SPAG16: variants seen among roughly 807,000 people sequenced by gnomAD.
SPAG16 encodes sperm associated antigen 16.
In SPAG16, 86 loss-of-function variants were observed where a neutral mutation model predicts 80.4. The observed-to-expected ratio is 1.07, with a 90% CI of 0.90 to 1.28. The LOEUF (loss-of-function observed/expected upper bound fraction) is 1.28, where lower values mean the gene tolerates loss of function less well. SPAG16 is among the 50% of genes most tolerant of loss of function. The pLI, the probability that SPAG16 is intolerant of heterozygous loss-of-function variation, is 0.00. For missense variants in SPAG16, 870 were observed against 765.3 expected, an observed-to-expected ratio of 1.14 and a Z score of -1.61; for synonymous variants, 294 against 265.9, an observed-to-expected ratio of 1.11 and a Z score of -1.03.
chr2:213,903,004 C>A (rs2077281468), intron 11 of SPAG16, among the ~76,000 whole-genome samples: 1 of 152,198 alleles, frequency 6.6e-6, no homozygotes, highest in Non-Finnish European at 1.5e-5. Flanking sequence ...ACATTCAGGT[C>A]ATGCTGATAT....
At position 213,862,608 on chromosome 2, in the gene SPAG16, A is replaced by G. The variant is rs1330805133; in HGVS notation, c.1194A>G (p.Ser398=). The G allele has an allele frequency of 3.2e-5, 52 of 1,613,976 alleles. No homozygotes were observed. Among genetic ancestry groups the G allele is most frequent in the Non-Finnish European group, 4.2e-5 (50 of 1,180,006 alleles). The change falls in exon 11 of 16, where the codon TCA becomes TCG. Residue 398 remains serine, a synonymous_variant. Transcript: ENST00000331683. ...GATTTGGCCACACTGACTGGCTTTC[A>G]GACTGCTGCTTCCATCCCAGGTCAG... ...LTGFGHTDWL[S]DCCFHPSGDK...
chr2:213,718,149 C>CAAAA (rs71063769), intron 10 of SPAG16, among the ~76,000 whole-genome samples: 8 of 92,224 alleles, frequency 8.7e-5, no homozygotes, highest in African/African-American at 2.8e-4. Flanking sequence ...AACAAGTTTA[C>CAAAA]AAAAAAAAAA....
intron 10 of SPAG16, among the ~76,000 whole-genome samples, chr2:213,687,110 C>A (rs1189741331): frequency 6.6e-6 from 1 of 151,776 alleles, no homozygotes; most frequent in African/African-American, 2.4e-5. Flanking sequence ...TAGTCATAAC[C>A]CTTTATTTTG....
intron 15 of SPAG16, among the ~76,000 whole-genome samples, chr2:214,387,761 G>A (rs1574479980): frequency 1.3e-5 from 2 of 152,174 alleles, no homozygotes; most frequent in African/African-American, 4.8e-5. Flanking sequence ...TGAGTGCCCA[G>A]TGAAGGGGGA....
chr2:213,998,323 A>G (rs906514701), intron 12 of SPAG16, among the ~76,000 whole-genome samples: 20 of 152,178 alleles, frequency 1.3e-4, no homozygotes, highest in Admixed American at 1.3e-3. Context: ...AATTTGAATC[A>G]TGGGGGTGGT....
intron 15 of SPAG16, among the ~76,000 whole-genome samples, chr2:214,344,152 G>GAGGT (rs1249950932): frequency 6.6e-6 from 1 of 152,122 alleles, no homozygotes; most frequent in Non-Finnish European, 1.5e-5. Flanking sequence ...TTGGAAAAAG[G>GAGGT]AGGTATGTGT....
At chr2:214,228,133 A>C (rs1332415526) in intron 15 of SPAG16, among the ~76,000 whole-genome samples, 1 of 151,970 alleles carries the variant, frequency 6.6e-6, no homozygotes, top group Non-Finnish European at 1.5e-5. Context: ...AAGTAGATTA[A>C]TGTATCAAAT....
intron 6 of SPAG16, among the ~76,000 whole-genome samples, chr2:213,349,907 C>G (rs745970804): frequency 6.6e-6 from 1 of 152,064 alleles, no homozygotes; most frequent in Admixed American, 6.6e-5. Flanking sequence ...GTGCATTTCT[C>G]AAAACTCTGA....
At chr2:213,583,196 T>A (rs2060352242) in intron 10 of SPAG16, among the ~76,000 whole-genome samples, 1 of 152,182 alleles carries the variant, frequency 6.6e-6, no homozygotes, top group Non-Finnish European at 1.5e-5. Context: ...TTGCCAATAA[T>A]GCATTTTCCA....
At chr2:214,260,973 G>T (rs761310914) in intron 15 of SPAG16, among the ~76,000 whole-genome samples, 1 of 151,708 alleles carries the variant, frequency 6.6e-6, no homozygotes, top group African/African-American at 2.4e-5. Context: ...CGGGCGTGGT[G>T]GTGGGCACCT....
intron 15 of SPAG16, among the ~76,000 whole-genome samples, chr2:214,203,914 C>T (rs188929266): frequency 2.1e-4 from 32 of 152,264 alleles, no homozygotes; most frequent in African/African-American, 7.2e-4. Context: ...CTTTCACAGC[C>T]GGGAGGCTGG....
intron 10 of SPAG16, among the ~76,000 whole-genome samples, chr2:213,824,129 C>G (rs559195552): frequency 2.6e-4 from 40 of 152,304 alleles, no homozygotes; most frequent in African/African-American, 9.6e-4. Context: ...TTTTCTGCAT[C>G]TGGCTAGCCA....
At chr2:214,350,916 A>C (rs554756347) in intron 15 of SPAG16, among the ~76,000 whole-genome samples, 1 of 152,282 alleles carries the variant, frequency 6.6e-6, no homozygotes, top group East Asian at 1.9e-4. Flanking sequence ...GCATAACCTA[A>C]AGTTGCCCCA....
At chr2:213,776,483 T>C (rs567036238) in intron 10 of SPAG16, among the ~76,000 whole-genome samples, 1 of 152,182 alleles carries the variant, frequency 6.6e-6, no homozygotes, top group Non-Finnish European at 1.5e-5. Context: ...TGCTAATCTA[T>C]AGAAGTGGAA....
intron 10 of SPAG16, among the ~76,000 whole-genome samples, chr2:213,492,658 A>T (rs977109772): frequency 3.3e-5 from 5 of 150,120 alleles, no homozygotes; most frequent in African/African-American, 4.9e-5. Context: ...ACCCAATTAT[A>T]TACTTTTTTA....
chr2:213,780,504 G>A (rs1290233322), intron 10 of SPAG16, among the ~76,000 whole-genome samples: 1 of 148,208 alleles, frequency 6.7e-6, no homozygotes, highest in South Asian at 2.1e-4. Context: ...TCTGGTGTTA[G>A]TTTCAAGTAG....
chr2:213,783,432 A>G (rs2556337), intron 10 of SPAG16, among the ~76,000 whole-genome samples: 3,775 of 148,536 alleles, frequency 0.025, 172 homozygotes, highest in African/African-American at 0.088. Context: ...CAGAGTATCT[A>G]TATCTATTAT....
intron 10 of SPAG16, among the ~76,000 whole-genome samples, chr2:213,516,509 G>A (rs968612231): frequency 6.6e-6 from 1 of 152,046 alleles, no homozygotes; most frequent in Non-Finnish European, 1.5e-5. Flanking sequence ...TAAAGGTTGC[G>A]CTATATACCC....
At chr2:213,462,842 T>C (rs1343666721) in intron 9 of SPAG16, among the ~76,000 whole-genome samples, 4 of 152,172 alleles carry the variant, frequency 2.6e-5, no homozygotes, top group South Asian at 2.1e-4. Flanking sequence ...AATGGACTAA[T>C]ACAGTAAATC....
Sources: allele counts gnomAD v4.1 joint callset (sites outside exome capture counted in the v4.1 genomes callset), GRCh38; gene constraint gnomAD v4.1.1; transcripts MANE v1.5; gene names NCBI Gene and HGNC (gene_info 2026-07-23, HGNC 2026-07-21).